Variants in FAM169A observed in about 807,000 individuals in gnomAD.
FAM169A encodes family with sequence similarity 169 member A, also known as soluble lamin-associated protein of 75 kDa.
A neutral mutation model predicts 75.7 loss-of-function variants in FAM169A; 24 were observed. That is an observed-to-expected ratio of 0.32 (90% CI 0.23 to 0.45). FAM169A has a LOEUF of 0.45. Among genes scored for constraint, FAM169A ranks in the 20% least tolerant of loss-of-function variants. The pLI, the probability that FAM169A is intolerant of heterozygous loss-of-function variation, is 1.00. For synonymous variants in FAM169A, 271 were observed against 271.0 expected, an observed-to-expected ratio of 1.00 and a Z score of 0.00; for missense variants, 673 against 784.0, an observed-to-expected ratio of 0.86 and a Z score of 1.69.
chr5:74,865,692 A>C (rs1008698850), intron 1 of FAM169A: 3 of 152,388 alleles, frequency 2.0e-5, no homozygotes, highest in East Asian at 3.9e-4. Flanking sequence ...CGGTCAGAGC[A>C]TCTCTGGAGG....
At chr5:74,864,121 G>A (rs1030037960) in intron 1 of FAM169A, among the ~76,000 whole-genome samples, 4 of 152,236 alleles carry the variant, frequency 2.6e-5, no homozygotes, top group Admixed American at 6.5e-5. Context: ...ATTAGTGGGA[G>A]AGTCTTCAAC....
chr5:74,791,581 A>G (rs1004903120), intron 11 of FAM169A, among the ~76,000 whole-genome samples: 6 of 152,218 alleles, frequency 3.9e-5, no homozygotes, highest in Non-Finnish European at 8.8e-5. Context: ...GACCCAGACT[A>G]TCAAGATGAA....
chr5:74,840,982 T>C (rs1459695946), intron 2 of FAM169A, among the ~76,000 whole-genome samples: 1 of 152,162 alleles, frequency 6.6e-6, no homozygotes, highest in East Asian at 1.9e-4. Context: ...TATAAAAATA[T>C]TGGTGCTGGG....
intron 11 of FAM169A, among the ~76,000 whole-genome samples, chr5:74,790,356 T>A (rs549418384): frequency 2.6e-4 from 40 of 152,234 alleles, no homozygotes; most frequent in African/African-American, 9.4e-4. Flanking sequence ...GTGCACCTGG[T>A]TGTGCACGTT....
Position 74,783,054 on chromosome 5 carries a change from G to A in FAM169A, c.1341C>T (p.Ser447=). Residue 447 remains serine (S), a synonymous_variant, in exon 12 of 13, where the codon TCC becomes TCT. Transcript: ENST00000687041. The stretch of plus-strand genomic sequence containing the variant: ...ATTCTTCATCTAAAACTTCACTAGT[G>A]GAGTCTTCCTCTTCTGTTATAAGTG... The part of the protein sequence containing the change: ...KTSLITEEED[S]TSEVLDEELK... 1.2e-6 allele frequency: 2 copies of A among 1,613,464 alleles called. No homozygotes were observed. Among genetic ancestry groups the A allele is most frequent in the South Asian group, 1.1e-5 (1 of 91,072 alleles).
intron 1 of FAM169A, among the ~76,000 whole-genome samples, chr5:74,842,781 A>T (rs1748950728): frequency 6.6e-6 from 1 of 152,070 alleles, no homozygotes; most frequent in African/African-American, 2.4e-5. Context: ...AACACTAAAG[A>T]TTAGAAAAAC....
At chr5:74,854,449 T>C (rs1749605453) in intron 1 of FAM169A, among the ~76,000 whole-genome samples, 1 of 152,162 alleles carries the variant, frequency 6.6e-6, no homozygotes, top group Non-Finnish European at 1.5e-5. Context: ...GCATTTATCC[T>C]TTGTGTTACA....
At chr5:74,784,700 C>T (rs1436282287) in intron 11 of FAM169A, among the ~76,000 whole-genome samples, 1 of 146,802 alleles carries the variant, frequency 6.8e-6, no homozygotes, top group Admixed American at 6.9e-5. Flanking sequence ...GGGCGGATCA[C>T]AAGGTCAGGA....
At chr5:74,824,644 T>C (rs1054119854) in intron 5 of FAM169A, among the ~76,000 whole-genome samples, 2 of 150,736 alleles carry the variant, frequency 1.3e-5, no homozygotes, top group Non-Finnish European at 1.5e-5. Context: ...TAGAATACAA[T>C]AGTCATATAA....
chr5:74,842,341 A>C (rs1748913495), intron 1 of FAM169A, among the ~76,000 whole-genome samples: 1 of 135,906 alleles, frequency 7.4e-6, no homozygotes, highest in South Asian at 2.5e-4. Context: ...GAATTGCTTG[A>C]ACCCGGGAGG....
chr5:74,783,887 C>G (rs1431819202), intron 11 of FAM169A, among the ~76,000 whole-genome samples: 2 of 152,110 alleles, frequency 1.3e-5, no homozygotes, highest in African/African-American at 4.8e-5. Flanking sequence ...TTCAAGTGTT[C>G]ACAAATAGAT....
chr5:74,846,440 A>C (rs1749160481), intron 1 of FAM169A, among the ~76,000 whole-genome samples: 1 of 152,226 alleles, frequency 6.6e-6, no homozygotes, highest in Non-Finnish European at 1.5e-5. Flanking sequence ...ATAGAACAGC[A>C]AGTTCAAGTT....
intron 5 of FAM169A, among the ~76,000 whole-genome samples, chr5:74,829,121 G>C (rs1748183838): frequency 6.6e-6 from 1 of 152,152 alleles, no homozygotes; most frequent in South Asian, 2.1e-4. Flanking sequence ...ACTCAGTATA[G>C]AACAATTTTT....
At chr5:74,824,141 C>T (rs16872297) in intron 5 of FAM169A, among the ~76,000 whole-genome samples, 49,168 of 151,988 alleles carry the variant, frequency 0.32, 9,812 homozygotes, top group African/African-American at 0.56. Context: ...GTATTGGTCA[C>T]AAATCCCTTC....
intron 1 of FAM169A, among the ~76,000 whole-genome samples, chr5:74,855,739 C>T (rs1749674735): frequency 6.6e-6 from 1 of 152,174 alleles, no homozygotes; most frequent in Non-Finnish European, 1.5e-5. Context: ...TGTGGGTTGT[C>T]TCTTCACTTT....
intron 1 of FAM169A, among the ~76,000 whole-genome samples, chr5:74,855,906 T>C (rs559791351): frequency 6.6e-6 from 1 of 152,402 alleles, no homozygotes; most frequent in African/African-American, 2.4e-5. Flanking sequence ...AATGGTTTCA[T>C]AGTCTGAGGT....
At chr5:74,865,578 G>A (rs1456463066) in intron 1 of FAM169A, 5 of 152,478 alleles carry the variant, frequency 3.3e-5, no homozygotes, top group Admixed American at 3.3e-4. Context: ...ATGGCATAAT[G>A]GAGAGCTGAG....
At chr5:74,797,120 T>G (rs112283034) in intron 10 of FAM169A, among the ~76,000 whole-genome samples, 2 of 152,146 alleles carry the variant, frequency 1.3e-5, no homozygotes, top group African/African-American at 4.8e-5. Flanking sequence ...GTCTGGTGGT[T>G]CTCTATAAGC....
At chr5:74,787,498 G>A (rs532551066) in intron 11 of FAM169A, among the ~76,000 whole-genome samples, 22 of 152,128 alleles carry the variant, frequency 1.4e-4, no homozygotes, top group Admixed American at 5.9e-4. Flanking sequence ...ACCCTTGACC[G>A]ATGCTTTGCG....
Sources: gnomAD v4.1 joint callset for allele counts (sites outside exome capture counted in the v4.1 genomes callset) on GRCh38, gnomAD v4.1.1 for gene constraint, MANE v1.5 for transcripts, NCBI Gene and HGNC (gene_info 2026-07-23, HGNC 2026-07-21) for gene names.